Variants in KCNH8 observed in about 807,000 individuals in gnomAD.
KCNH8 encodes the protein potassium voltage-gated channel subfamily H member 8, also known as voltage-gated delayed rectifier potassium channel KCNH8.
Under a neutral mutation model 103.6 loss-of-function variants are expected in KCNH8, and 70 were observed. That is an observed-to-expected ratio of 0.68 (90% confidence interval 0.56 to 0.82). The LOEUF (loss-of-function observed/expected upper bound fraction) is 0.82. Ranked by LOEUF, KCNH8 falls within the 40% of genes least tolerant of loss-of-function variation. The probability of loss-of-function intolerance (pLI) is 0.00; values close to 1 mark genes in which losing one functional copy is unlikely to be tolerated. For synonymous variants in KCNH8, 498 were observed against 489.4 expected, an observed-to-expected ratio of 1.02 and a Z score of -0.23; for missense variants, 1,217 against 1,329.9, an observed-to-expected ratio of 0.92 and a Z score of 1.32.
chr3:19,369,722 C>A (rs1410892521), intron 5 of KCNH8, among the ~76,000 whole-genome samples: 6 of 151,840 alleles, frequency 4.0e-5, no homozygotes, highest in African/African-American at 1.5e-4. Flanking sequence ...TGTGAATGAT[C>A]TAGTAAGTCA....
intron 3 of KCNH8, among the ~76,000 whole-genome samples, chr3:19,324,039 G>A (rs140768554): frequency 7.8e-4 from 118 of 152,256 alleles, no homozygotes; most frequent in Non-Finnish European, 1.2e-3. Flanking sequence ...ATAGGATCAG[G>A]CAGTGGGTGG....
chr3:19,168,192 G>A (rs969509972), intron 1 of KCNH8, among the ~76,000 whole-genome samples: 5 of 151,540 alleles, frequency 3.3e-5, no homozygotes, highest in African/African-American at 1.2e-4. Flanking sequence ...TTGTTTGTTT[G>A]TTTGTTTGTA....
intron 5 of KCNH8, among the ~76,000 whole-genome samples, chr3:19,375,827 C>T (rs1574986311): frequency 6.6e-6 from 1 of 152,154 alleles, no homozygotes; most frequent in African/African-American, 2.4e-5. Flanking sequence ...TTCTAACAGA[C>T]AGGGCCCTCA....
chr3:19,267,859 G>A (rs1245273761), intron 2 of KCNH8, among the ~76,000 whole-genome samples: 1 of 152,066 alleles, frequency 6.6e-6, no homozygotes, highest in African/African-American at 2.4e-5. Context: ...AACTTCCCGA[G>A]CCTCAGTTTT....
At chr3:19,403,740 A>G (rs528502353) in intron 7 of KCNH8, among the ~76,000 whole-genome samples, 1 of 151,890 alleles carries the variant, frequency 6.6e-6, no homozygotes, top group African/African-American at 2.4e-5. Context: ...AATAAAAATC[A>G]TAACCACAGT....
At chr3:19,408,555 A>G (rs1282424234) in intron 7 of KCNH8, among the ~76,000 whole-genome samples, 2 of 152,158 alleles carry the variant, frequency 1.3e-5, no homozygotes, top group Non-Finnish European at 2.9e-5. Flanking sequence ...AATCCAAAGT[A>G]TGGATTGCAA....
chr3:19,515,201 A>G (rs1575164842), intron 13 of KCNH8, 121 bp from the exon 14 acceptor site: 1 of 498,284 alleles, frequency 2.0e-6, no homozygotes, highest in East Asian at 3.2e-5. Flanking sequence ...ACTATATTGA[A>G]TAGCTCAGCT....
At chr3:19,379,236 T>G (rs2066255439) in intron 5 of KCNH8, among the ~76,000 whole-genome samples, 1 of 152,240 alleles carries the variant, frequency 6.6e-6, no homozygotes, top group Non-Finnish European at 1.5e-5. Flanking sequence ...TGGCAATCCT[T>G]AAACAAATTA....
chr3:19,402,054 T>C (rs757131422), intron 7 of KCNH8, among the ~76,000 whole-genome samples: 1 of 151,996 alleles, frequency 6.6e-6, no homozygotes, highest in Non-Finnish European at 1.5e-5. Flanking sequence ...GATTCTGTTA[T>C]CATGTAAGTT....
intron 2 of KCNH8, among the ~76,000 whole-genome samples, chr3:19,267,959 A>G (rs2064536073): frequency 6.6e-6 from 1 of 152,118 alleles, no homozygotes; most frequent in Non-Finnish European, 1.5e-5. Flanking sequence ...CTGACACATA[A>G]TATGTGCTCA....
intron 3 of KCNH8, among the ~76,000 whole-genome samples, chr3:19,341,429 G>A (rs2065658442): frequency 6.6e-6 from 1 of 151,900 alleles, no homozygotes; most frequent in Admixed American, 6.6e-5. Context: ...ACATTTCTGG[G>A]GAGGTGGTCC....
chr3:19,443,425 T>C (rs576804071), intron 8 of KCNH8, among the ~76,000 whole-genome samples: 4 of 150,628 alleles, frequency 2.7e-5, no homozygotes, highest in Admixed American at 6.6e-5. Flanking sequence ...TATATACACA[T>C]ATGTGTGTGT....
At chr3:19,371,122 C>A (rs1418229925) in intron 5 of KCNH8, among the ~76,000 whole-genome samples, 8 of 151,556 alleles carry the variant, frequency 5.3e-5, no homozygotes, top group Admixed American at 6.6e-5. Flanking sequence ...TGGGTATATA[C>A]CCAGTAATGG....
intron 6 of KCNH8, among the ~76,000 whole-genome samples, chr3:19,392,302 A>G (rs1222249036): frequency 1.5e-5 from 2 of 137,606 alleles, no homozygotes; most frequent in African/African-American, 2.8e-5. Context: ...TACAAGGTAT[A>G]GGGCAACATC....
intron 7 of KCNH8, among the ~76,000 whole-genome samples, chr3:19,407,022 A>G (rs538146920): frequency 9.5e-4 from 144 of 152,276 alleles, no homozygotes; most frequent in African/African-American, 3.3e-3. Context: ...ATATTTTTCT[A>G]CTTCCAAACA....
chr3:19,238,622 C>G (rs2064094920), intron 1 of KCNH8, among the ~76,000 whole-genome samples: 1 of 152,116 alleles, frequency 6.6e-6, no homozygotes, highest in African/African-American at 2.4e-5. Context: ...TTTACAAAGG[C>G]AAAAGAACCA....
chr3:19,211,591 A>T (rs2063771855), intron 1 of KCNH8, among the ~76,000 whole-genome samples: 1 of 152,170 alleles, frequency 6.6e-6, no homozygotes, highest in South Asian at 2.1e-4. Context: ...TACTCAGGAA[A>T]AAATAGACCT....
intron 1 of KCNH8, among the ~76,000 whole-genome samples, chr3:19,194,045 G>A (rs1429013797): frequency 2.0e-5 from 3 of 151,778 alleles, no homozygotes; most frequent in Non-Finnish European, 4.4e-5. Flanking sequence ...AAGCAAAATT[G>A]TAACTACCTA....
chr3:19,482,834 T>C (rs1163796564), intron 11 of KCNH8, among the ~76,000 whole-genome samples: 1 of 152,214 alleles, frequency 6.6e-6, no homozygotes, highest in Admixed American at 6.5e-5. Context: ...GCTAATCTAT[T>C]TTGATAGATA....
Sources: gnomAD v4.1 joint callset for allele counts (sites outside exome capture counted in the v4.1 genomes callset) on GRCh38, gnomAD v4.1.1 for gene constraint, MANE v1.5 for transcripts, NCBI Gene and HGNC (gene_info 2026-07-23, HGNC 2026-07-21) for gene names.